Variants in OR2AT4 observed in about 807,000 individuals in gnomAD.
The protein encoded by OR2AT4 is olfactory receptor 2AT4.
A neutral mutation model predicts 10.3 loss-of-function variants in OR2AT4; 6 were observed. The ratio of observed to expected loss-of-function variants is 0.58; its 90% CI spans 0.32 to 1.15. The LOEUF is 1.15. Among genes scored for constraint, OR2AT4 ranks in the 50% most tolerant of loss-of-function variants. OR2AT4 has a pLI of 0.05. For synonymous variants in OR2AT4, 145 were observed against 159.1 expected, an observed-to-expected ratio of 0.91 and a Z score of 0.67; for missense variants, 354 against 393.8, an observed-to-expected ratio of 0.90 and a Z score of 0.85.
At chr11:75,089,692 C>G (rs775336888) in exon 2 of OR2AT4, 2 of 1,612,366 alleles carry the variant, frequency 1.2e-6, no homozygotes, top group Non-Finnish European at 1.7e-6. Context: ...TCCACTGATT[C>G]ATTACAGGCT....
In OR2AT4 at chr11:75,088,851, G is replaced by T. The variant is rs760271872; in HGVS notation, c.863C>A (p.Pro288Gln). 3 of 1,613,232 alleles carry T rather than the reference G, an allele frequency of 1.9e-6. 1 individual carries two copies. In the South Asian group the frequency reaches 3.3e-5, roughly 18 times the overall value. ...CGTGTAAATGAGGGGGTTGAGAATT[G>T]GTGTGAGAATGGCATATACCACATT... Residue 288 changes from proline to glutamine, a missense_variant, in exon 2 of 2, where the codon CCA becomes CAA. By Grantham distance (76) the Pro-to-Gln change is moderately conservative. Coordinates refer to ENST00000641504, the Ensembl canonical transcript of OR2AT4.
chr11:75,085,340 T>C (rs1344033676), exon 2 of OR2AT4: 1 of 152,132 alleles, frequency 6.6e-6, no homozygotes, highest in East Asian at 1.9e-4. Flanking sequence ...AAAATTTCTA[T>C]ATCTATTAAA....
chr11:75,096,875 C>G (rs1326953312), exon 1 of OR2AT4: 1 of 152,266 alleles, frequency 6.6e-6, no homozygotes, highest in Non-Finnish European at 1.5e-5. Context: ...CACAGTTGGC[C>G]TTGGTTGGGA....
intron 1 of OR2AT4, chr11:75,096,199 T>G (rs1949348024): frequency 6.6e-6 from 1 of 151,532 alleles, no homozygotes; most frequent in Admixed American, 6.5e-5. Flanking sequence ...ATCTCCAGCT[T>G]GATAAATATT....
intron 1 of OR2AT4, among the ~76,000 whole-genome samples, chr11:75,093,578 G>T (rs775527245): frequency 6.6e-5 from 10 of 152,244 alleles, no homozygotes; most frequent in Non-Finnish European, 1.3e-4. Flanking sequence ...ATGTCTCTCT[G>T]AATAAACAAT....
At chr11:75,092,601 T>C (rs1386037260) in intron 1 of OR2AT4, among the ~76,000 whole-genome samples, 1 of 152,184 alleles carries the variant, frequency 6.6e-6, no homozygotes. Context: ...GCTATTGTTG[T>C]GACTTCTGTC....
chr11:75,082,734 A>G (rs529610032), exon 2 of OR2AT4: 1 of 152,328 alleles, frequency 6.6e-6, no homozygotes, highest in African/African-American at 2.4e-5. Context: ...CAGTTTCTGC[A>G]CAGCGAAAGA....
chr11:75,094,030 C>G (rs1949334166), intron 1 of OR2AT4, among the ~76,000 whole-genome samples: 1 of 151,862 alleles, frequency 6.6e-6, no homozygotes, highest in Non-Finnish European at 1.5e-5. Context: ...ACCATGTTGG[C>G]TGGGCTTGTC....
chr11:75,089,451 G>T, exon 2 of OR2AT4: 1 of 1,614,152 alleles, frequency 6.2e-7, no homozygotes, highest in Non-Finnish European at 8.5e-7. Context: ...CAAGAATAAG[G>T]ACAGCATCTT....
rs139499548 is a variant in OR2AT4, at chr11:75,089,392, G to T, written c.322C>A (p.Leu108Ile). ...TCTGAACATGTAAAACTTTGGAAGA[G>T]GTACATCTGCAGTAAGCAGGAAGAA... Residue 108 changes from leucine (L) to isoleucine (I), a missense_variant, in exon 2 of 2, where the codon CTC becomes ATC. Coordinates refer to ENST00000641504, the Ensembl canonical transcript of OR2AT4. 2.1e-3 allele frequency: 3,364 copies of T among 1,614,100 alleles called. 5 individuals are homozygous for T. Among genetic ancestry groups the T allele is most frequent in the Non-Finnish European group, 2.6e-3 (3,069 of 1,180,002 alleles).
intron 1 of OR2AT4, among the ~76,000 whole-genome samples, chr11:75,093,804 CTT>C (rs1166766222): frequency 1.1e-5 from 1 of 88,352 alleles, no homozygotes; most frequent in African/African-American, 4.2e-5. Flanking sequence ...TTTTCTTTTT[CTT>C]TTTCTTTTTT....
At chr11:75,088,630 A>G (rs1354319408) in exon 2 of OR2AT4, 2 of 1,018,178 alleles carry the variant, frequency 2.0e-6, no homozygotes, top group Non-Finnish European at 1.3e-6. Context: ...GTAAAATTTT[A>G]TACAACAACT....
exon 2 of OR2AT4, chr11:75,089,660 T>A: frequency 6.2e-7 from 1 of 1,613,724 alleles, no homozygotes; most frequent in Non-Finnish European, 8.5e-7. Context: ...GGATGCCCAA[T>A]AGATAGAAGA....
exon 2 of OR2AT4, chr11:75,088,287 C>T (rs1165784871): frequency 1.3e-5 from 2 of 152,494 alleles, no homozygotes; most frequent in African/African-American, 4.8e-5. Context: ...TGTTTTTCTA[C>T]ATGCATATTG....
At chr11:75,095,068 CTG>C (rs1949339997) in intron 1 of OR2AT4, among the ~76,000 whole-genome samples, 1 of 152,186 alleles carries the variant, frequency 6.6e-6, no homozygotes, top group East Asian at 1.9e-4. Context: ...TCAAGCCTGA[CTG>C]AGCCTCTCTT....
At chr11:75,095,511 C>T (rs547806328) in intron 1 of OR2AT4, among the ~76,000 whole-genome samples, 1 of 152,246 alleles carries the variant, frequency 6.6e-6, no homozygotes, top group Admixed American at 6.5e-5. Flanking sequence ...ACCAGGAGCA[C>T]TTTCAGAGCA....
chr11:75,092,191 A>G (rs1352110060), intron 1 of OR2AT4, among the ~76,000 whole-genome samples: 1 of 152,216 alleles, frequency 6.6e-6, no homozygotes, highest in Non-Finnish European at 1.5e-5. Flanking sequence ...AATAATACAT[A>G]CTCACTAAAA....
intron 1 of OR2AT4, among the ~76,000 whole-genome samples, chr11:75,093,827 T>C (rs1183087985): frequency 8.7e-6 from 1 of 114,790 alleles, no homozygotes; most frequent in South Asian, 3.2e-4. Flanking sequence ...TTTTTTTTTT[T>C]TTTTTTTTTT....
chr11:75,088,527 GT>G (rs1163378860), exon 2 of OR2AT4: 2 of 365,218 alleles, frequency 5.5e-6, no homozygotes, highest in African/African-American at 4.2e-5. Flanking sequence ...CCTGTGATAC[GT>G]TTTTTATTTG....
Sources: gnomAD v4.1 joint callset for allele counts (sites outside exome capture counted in the v4.1 genomes callset) on GRCh38, gnomAD v4.1.1 for gene constraint, MANE v1.5 for transcripts, NCBI Gene and HGNC (gene_info 2026-07-23, HGNC 2026-07-21) for gene names.